The following SNTG1 variants were observed in gnomAD, a reference collection of about 807,000 sequenced individuals.
The protein encoded by SNTG1 is gamma-1-syntrophin.
SNTG1 carries 39 observed loss-of-function variants against 74.7 expected under a neutral mutation model. That is an observed-to-expected ratio of 0.52 (90% CI 0.40 to 0.68). The LOEUF (loss-of-function observed/expected upper bound fraction) is 0.68, where lower values mean the gene tolerates loss of function less well. Among genes scored for constraint, SNTG1 ranks in the 30% least tolerant of loss-of-function variants. SNTG1 has a pLI of 0.00. For synonymous variants in SNTG1, 254 were observed against 217.1 expected (o/e 1.17, Z -1.49); for missense variants, 685 against 609.5 (o/e 1.12, Z -1.30).
chr8:50,330,514 T>A (rs887578751), intron 2 of SNTG1, among the ~76,000 whole-genome samples: 2 of 152,206 alleles, frequency 1.3e-5, no homozygotes, highest in Admixed American at 6.5e-5. Context: ...CCCTCCAAAC[T>A]GTTTCAACCT....
At chr8:50,255,491 C>G (rs1456322201) in intron 2 of SNTG1, among the ~76,000 whole-genome samples, 1 of 152,110 alleles carries the variant, frequency 6.6e-6, no homozygotes, top group Non-Finnish European at 1.5e-5. Context: ...GTTCTAGAGA[C>G]TAGAGGTCCA....
chr8:50,310,277 A>T (rs1393418083), intron 2 of SNTG1, among the ~76,000 whole-genome samples: 7 of 152,200 alleles, frequency 4.6e-5, no homozygotes, highest in Admixed American at 4.6e-4. Context: ...GAGTGTTATA[A>T]AATTTCAATT....
At chr8:50,705,262 A>G (rs190469158) in intron 16 of SNTG1, among the ~76,000 whole-genome samples, 59 of 152,300 alleles carry the variant, frequency 3.9e-4, no homozygotes, top group African/African-American at 1.4e-3. Flanking sequence ...TACTCCTTCT[A>G]CAACTATCCT....
chr8:50,053,707 C>A (rs1382542451), intron 1 of SNTG1, among the ~76,000 whole-genome samples: 1 of 143,544 alleles, frequency 7.0e-6, no homozygotes, highest in Non-Finnish European at 1.5e-5. Context: ...TTTAAGCTGC[C>A]AAAACTTCCA....
chr8:50,170,144 G>C lies in SNTG1; in HGVS notation c.-102-2417G>C, dbSNP rs117785192. On this transcript the variant is annotated intron_variant, in intron 1 of 18. Coordinates refer to ENST00000642720, the MANE Select transcript of SNTG1 (RefSeq NM_018967.5). ...GTCTGCTCACCTCTGTGGCTATAGA[G>C]ACCAGGAGCGGACCAGCCTCAGTGA... 4.8e-4 allele frequency among the ~76,000 whole-genome samples: 73 copies of C among 152,226 alleles called. No homozygotes were observed. The East Asian group carries it at 0.013, about 27-fold the overall frequency.
At chr8:50,339,663 G>A (rs975824190) in intron 2 of SNTG1, among the ~76,000 whole-genome samples, 2 of 151,590 alleles carry the variant, frequency 1.3e-5, no homozygotes, top group Non-Finnish European at 3.0e-5. Flanking sequence ...ATACTAAGAG[G>A]GAAGTAAAAA....
chr8:50,592,111 T>G (rs767532179), intron 13 of SNTG1, among the ~76,000 whole-genome samples: 2 of 152,180 alleles, frequency 1.3e-5, no homozygotes, highest in Non-Finnish European at 2.9e-5. Context: ...GGTGTCATCC[T>G]GAGAGCTACA....
chr8:50,192,227 C>T (rs533783435), intron 2 of SNTG1, among the ~76,000 whole-genome samples: 1 of 152,220 alleles, frequency 6.6e-6, no homozygotes, highest in African/African-American at 2.4e-5. Context: ...CCAGAAGCAG[C>T]TTGGTATTAT....
intron 9 of SNTG1, among the ~76,000 whole-genome samples, chr8:50,520,031 C>T (rs1585555961): frequency 6.6e-6 from 1 of 152,158 alleles, no homozygotes; most frequent in East Asian, 1.9e-4. Flanking sequence ...TGCTACCTGA[C>T]TTCAAACAAT....
At chr8:50,381,592 G>GTGTGTA (rs1217355515) in intron 2 of SNTG1, among the ~76,000 whole-genome samples, 7,630 of 97,944 alleles carry the variant, frequency 0.078, 475 homozygotes, top group Non-Finnish European at 0.11. Context: ...GTGTGTGTGT[G>GTGTGTA]TATATATATA....
chr8:50,365,075 C>G (rs532775467), intron 2 of SNTG1, among the ~76,000 whole-genome samples: 44 of 152,198 alleles, frequency 2.9e-4, no homozygotes, highest in Admixed American at 1.1e-3. Context: ...TACTACAAAT[C>G]TACTTGATTT....
intron 2 of SNTG1, among the ~76,000 whole-genome samples, chr8:50,264,291 G>C (rs1586889506): frequency 1.3e-5 from 2 of 152,038 alleles, no homozygotes; most frequent in Non-Finnish European, 2.9e-5. Flanking sequence ...AAATGCACTG[G>C]GTGCAGTGGC....
At chr8:50,216,346 T>C (rs1420249386) in intron 2 of SNTG1, among the ~76,000 whole-genome samples, 1 of 152,248 alleles carries the variant, frequency 6.6e-6, no homozygotes, top group Non-Finnish European at 1.5e-5. Flanking sequence ...ACTCAACTTC[T>C]TTTGAAATGT....
chr8:50,458,828 T>A (rs1272532019), intron 8 of SNTG1, among the ~76,000 whole-genome samples: 1 of 152,186 alleles, frequency 6.6e-6, no homozygotes, highest in Non-Finnish European at 1.5e-5. Flanking sequence ...ACAAGTCAGA[T>A]ATACAATTCG....
intron 1 of SNTG1, among the ~76,000 whole-genome samples, chr8:50,009,862 G>A (rs774573614): frequency 1.5e-4 from 23 of 152,034 alleles, no homozygotes; most frequent in Non-Finnish European, 1.3e-4. Context: ...CTCTGGGCAC[G>A]GTGATGCATG....
intron 2 of SNTG1, among the ~76,000 whole-genome samples, chr8:50,176,521 A>G (rs1165007832): frequency 6.6e-6 from 1 of 152,150 alleles, no homozygotes; most frequent in Non-Finnish European, 1.5e-5. Context: ...CAAAAGCTTC[A>G]TGTAGGGAAG....
intron 12 of SNTG1, among the ~76,000 whole-genome samples, chr8:50,561,476 G>T (rs2130688222): frequency 6.6e-6 from 1 of 152,264 alleles, no homozygotes; most frequent in African/African-American, 2.4e-5. Context: ...TTGTAGCTTT[G>T]TTAATACTAG....
At chr8:50,369,550 T>G (rs921100250) in intron 2 of SNTG1, among the ~76,000 whole-genome samples, 2 of 150,964 alleles carry the variant, frequency 1.3e-5, no homozygotes, top group South Asian at 4.2e-4. Context: ...GAGCTAAGAT[T>G]GCATCATTGC....
chr8:50,278,841 T>TAA (rs59632873), intron 2 of SNTG1, among the ~76,000 whole-genome samples: 7,252 of 151,566 alleles, frequency 0.048, 220 homozygotes, highest in Middle Eastern at 0.1. Context: ...TAACTTAACT[T>TAA]AAAAAATTCA....
Sources: gnomAD v4.1 joint callset for allele counts (sites outside exome capture counted in the v4.1 genomes callset) on GRCh38, gnomAD v4.1.1 for gene constraint, MANE v1.5 for transcripts, NCBI Gene and HGNC (gene_info 2026-07-23, HGNC 2026-07-21) for gene names.